Variants in NEMP2 observed in about 807,000 individuals in gnomAD.
NEMP2 encodes the protein UPF0571 transmembrane protein.
NEMP2 carries 53 observed loss-of-function variants against 54.2 expected under a neutral mutation model. That is an observed-to-expected ratio of 0.98 (90% CI 0.78 to 1.23). The LOEUF is 1.23. Among genes scored for constraint, NEMP2 ranks in the 50% most tolerant of loss-of-function variants. The pLI is 0.00. For missense variants in NEMP2, 455 were observed against 511.3 expected (o/e 0.89, Z 1.06); for synonymous variants, 197 against 190.3 (o/e 1.04, Z -0.29).
chr2:190,423,114 A>G, the NEMP2 span, among the ~76,000 whole-genome samples: 3 of 152,224 alleles, frequency 2.0e-5, no homozygotes, highest in Non-Finnish European at 2.9e-5. The surrounding 1 kb of genome is among the most constrained non-coding windows in gnomAD (Gnocchi z 4.3). Flanking sequence ...TAGAAATAAT[A>G]GAGCAATGTC....
the NEMP2 span, among the ~76,000 whole-genome samples, chr2:190,641,715 G>A: frequency 2.0e-5 from 3 of 152,172 alleles, no homozygotes; most frequent in Non-Finnish European, 4.4e-5. Context: ...TGAGTGGACC[G>A]TAGCCAGTGT....
At position 190,509,913 on chromosome 2, in the gene NEMP2, G is replaced by A. The variant is rs1021499390; in HGVS notation, c.1130+448C>T. On this transcript the variant is annotated intron_variant, in intron 8 of 8. Transcript: ENST00000409150. The surrounding 1 kb of genome is among the most constrained non-coding windows in gnomAD (Gnocchi z 6.1). ...ATTAGCCGGGCATGGTGGCGCCCGCGCCTTGTAATCCCAGCTACTCAAGTG... is the reference window on the plus strand; with the variant it reads ...ATTAGCCGGGCATGGTGGCGCCCGCACCTTGTAATCCCAGCTACTCAAGTG... Among the ~76,000 whole-genome samples, 3 of 152,152 alleles carry A rather than the reference G, an allele frequency of 2.0e-5. No homozygotes were observed. Among genetic ancestry groups the A allele is most frequent in the African/African-American group, 4.8e-5 (2 of 41,440 alleles).
chr2:190,511,243 C>CTCT (rs1690353855), intron 7 of NEMP2, among the ~76,000 whole-genome samples: 1 of 152,002 alleles, frequency 6.6e-6, no homozygotes, highest in South Asian at 2.1e-4. Flanking sequence ...TATGCAGACC[C>CTCT]TCTAGAACAC....
the NEMP2 span, among the ~76,000 whole-genome samples, chr2:190,596,313 G>A: frequency 2.0e-5 from 3 of 152,108 alleles, no homozygotes; most frequent in Non-Finnish European, 2.9e-5. The surrounding 1 kb of genome is among the most constrained non-coding windows in gnomAD (Gnocchi z 5.1). Context: ...ACAGGTTGAC[G>A]GGTGCAGCAA....
chr2:190,644,457 G>A, the NEMP2 span, among the ~76,000 whole-genome samples: 1 of 152,214 alleles, frequency 6.6e-6, no homozygotes, highest in South Asian at 2.1e-4. This position sits in a 1 kb window ranked among gnomAD's most constrained non-coding sequence, Gnocchi z 4.4. Context: ...ACTGTATATT[G>A]TCAGTGGCAT....
chr2:190,563,740 G>A, the NEMP2 span, among the ~76,000 whole-genome samples: 1 of 152,196 alleles, frequency 6.6e-6, no homozygotes, highest in Non-Finnish European at 1.5e-5. This position sits in a 1 kb window ranked among gnomAD's most constrained non-coding sequence, Gnocchi z 4.3. Flanking sequence ...ATGGTTATTT[G>A]TAATGATGGT....
the NEMP2 span, among the ~76,000 whole-genome samples, chr2:190,546,564 A>C: frequency 6.6e-6 from 1 of 152,158 alleles, no homozygotes; most frequent in Non-Finnish European, 1.5e-5. This position sits in a 1 kb window ranked among gnomAD's most constrained non-coding sequence, Gnocchi z 5.1. Context: ...CATCTACCTG[A>C]AATTAGATAT....
At chr2:190,568,306 T>A in the NEMP2 span, among the ~76,000 whole-genome samples, 3 of 152,174 alleles carry the variant, frequency 2.0e-5, no homozygotes, top group East Asian at 5.8e-4. This position sits in a 1 kb window ranked among gnomAD's most constrained non-coding sequence, Gnocchi z 4.7. Context: ...ATTAAAATCA[T>A]TTGTTGTAGA....
At chr2:190,427,426 A>G in the NEMP2 span, among the ~76,000 whole-genome samples, 4 of 152,190 alleles carry the variant, frequency 2.6e-5, no homozygotes, top group East Asian at 1.9e-4. Flanking sequence ...GTTATTATCT[A>G]AAGTTCTGTG....
chr2:190,489,672 C>T, the NEMP2 span: 1 of 1,156,398 alleles, frequency 8.6e-7, no homozygotes, highest in Non-Finnish European at 1.2e-6. The surrounding 1 kb of genome is among the most constrained non-coding windows in gnomAD (Gnocchi z 6.6). Context: ...TCAAGCTGTG[C>T]TTCCTTTGCT....
At chr2:190,439,177 A>C in the NEMP2 span, among the ~76,000 whole-genome samples, 1 of 151,884 alleles carries the variant, frequency 6.6e-6, no homozygotes, top group Admixed American at 6.6e-5. This position sits in a 1 kb window ranked among gnomAD's most constrained non-coding sequence, Gnocchi z 5.8. Flanking sequence ...TGGGCAGATG[A>C]GCAAATCTCA....
At chr2:190,495,364 G>A in the NEMP2 span, among the ~76,000 whole-genome samples, 1 of 152,142 alleles carries the variant, frequency 6.6e-6, no homozygotes. The surrounding 1 kb of genome is among the most constrained non-coding windows in gnomAD (Gnocchi z 4.7). Context: ...TACACAAATG[G>A]AAACATATCC....
At chr2:190,425,002 T>A in the NEMP2 span, among the ~76,000 whole-genome samples, 1 of 152,240 alleles carries the variant, frequency 6.6e-6, no homozygotes, top group Admixed American at 6.5e-5. The surrounding 1 kb of genome is among the most constrained non-coding windows in gnomAD (Gnocchi z 4.3). Context: ...TAAACATGGA[T>A]CCATTTATTT....
Position 190,528,432 on chromosome 2 carries a change from T to C in NEMP2, c.98-3054A>G, listed in dbSNP as rs2125343348. 6.6e-6 allele frequency among the ~76,000 whole-genome samples: 1 copy of C among 152,278 alleles called. No homozygotes were observed. Among genetic ancestry groups the C allele is most frequent in the South Asian group, 2.1e-4 (1 of 4,824 alleles). On this transcript the variant is annotated intron_variant, in intron 1 of 8. Transcript: ENST00000409150. The surrounding 1 kb of genome is among the most constrained non-coding windows in gnomAD (Gnocchi z 4.3). ...ATGGCTAGAGTTAATAACTTTATACTGGGAGTCCTCAAACAAAAGTGATTC... is the reference window on the plus strand; with the variant it reads ...ATGGCTAGAGTTAATAACTTTATACCGGGAGTCCTCAAACAAAAGTGATTC...
At chr2:190,435,978 T>C in the NEMP2 span, 1 of 1,544,006 alleles carries the variant, frequency 6.5e-7, no homozygotes. Context: ...ACTTTACAGA[T>C]CAACAGTACA....
chr2:190,564,128 A>G, the NEMP2 span, among the ~76,000 whole-genome samples: 2 of 152,260 alleles, frequency 1.3e-5, no homozygotes, highest in Admixed American at 6.5e-5. This position sits in a 1 kb window ranked among gnomAD's most constrained non-coding sequence, Gnocchi z 4.2. Flanking sequence ...CATATGCCAC[A>G]TGGTGTGAAC....
At chr2:190,599,830 T>G in the NEMP2 span, among the ~76,000 whole-genome samples, 357 of 152,282 alleles carry the variant, frequency 2.3e-3, 2 homozygotes, top group African/African-American at 8.1e-3. Context: ...GCAAGTCATC[T>G]TCACAAACTC....
chr2:190,469,596 C>G, the NEMP2 span: 1 of 352,710 alleles, frequency 2.8e-6, no homozygotes, highest in South Asian at 1.2e-4. The surrounding 1 kb of genome is among the most constrained non-coding windows in gnomAD (Gnocchi z 5.3). Context: ...CTTCAGTTTT[C>G]CCACTCCTGA....
the NEMP2 span, among the ~76,000 whole-genome samples, chr2:190,641,781 G>A: frequency 2.6e-5 from 4 of 152,202 alleles, no homozygotes; most frequent in Non-Finnish European, 5.9e-5. Flanking sequence ...CCTGCACAGT[G>A]GATGCTGGGA....
Sources: allele counts gnomAD v4.1 joint callset (sites outside exome capture counted in the v4.1 genomes callset), GRCh38; gene constraint gnomAD v4.1.1; non-coding constraint Gnocchi (gnomAD v3.1); transcripts MANE v1.5; gene names NCBI Gene and HGNC (gene_info 2026-07-23, HGNC 2026-07-21).